Variants in NBAS observed in about 807,000 individuals in gnomAD.
The protein encoded by NBAS is NBAS subunit of NRZ tethering complex.
A neutral mutation model predicts 302.5 loss-of-function variants in NBAS; 219 were observed. The ratio of observed to expected loss-of-function variants is 0.72; its 90% confidence interval spans 0.65 to 0.81. NBAS has a LOEUF of 0.81. Among genes scored for constraint, NBAS ranks in the 30% least tolerant of loss-of-function variants. NBAS has a pLI of 0.00. For synonymous variants in NBAS, 1,118 were observed against 1,021.6 expected (o/e 1.09, Z -1.80); for missense variants, 2,932 against 2,841.6 (o/e 1.03, Z -0.72).
chr2:15,306,468 T>C (rs1408380203), intron 40 of NBAS, among the ~76,000 whole-genome samples: 2 of 152,210 alleles, frequency 1.3e-5, no homozygotes, highest in Non-Finnish European at 2.9e-5. Context: ...TCTTTCCACG[T>C]GTCTTCTTGT....
the NBAS span, among the ~76,000 whole-genome samples, chr2:14,910,952 A>T: frequency 6.6e-6 from 1 of 152,256 alleles, no homozygotes; most frequent in African/African-American, 2.4e-5. Context: ...AAGCAGGGTG[A>T]GAGGAGTCTC....
chr2:15,219,764 T>G (rs1437263909), intron 47 of NBAS, among the ~76,000 whole-genome samples: 1 of 138,024 alleles, frequency 7.2e-6, no homozygotes, highest in African/African-American at 2.7e-5. Context: ...TTCTCAATTT[T>G]TTCCCCACCC....
At chr2:14,790,569 C>G in the NBAS span, among the ~76,000 whole-genome samples, 6,955 of 152,000 alleles carry the variant, frequency 0.046, 506 homozygotes, top group African/African-American at 0.16. Context: ...ACAAAAACAT[C>G]TCAACAGAAT....
At chr2:15,089,742 C>CTTTTTTTTTTTTTTTTTTTTTTTTTTTTT in the NBAS span, among the ~76,000 whole-genome samples, 1 of 78,798 alleles carries the variant, frequency 1.3e-5, no homozygotes. Context: ...TGGGTCAGGA[C>CTTTTTTTTTTTTTTTTTTTTTTTTTTTTT]TTTTTTTTTT....
chr2:14,867,361 A>G, the NBAS span, among the ~76,000 whole-genome samples: 5 of 152,198 alleles, frequency 3.3e-5, no homozygotes, highest in African/African-American at 1.2e-4. Flanking sequence ...TAACAATCTG[A>G]AAAGCCCAAG....
In NBAS at chr2:15,427,804, A is replaced by T. The variant is rs755074786; in HGVS notation, c.2340-10T>A. The T allele has an allele frequency of 1.3e-5, 20 of 1,558,970 alleles. No individual in the cohort carries two copies. Among genetic ancestry groups the T allele is most frequent in the South Asian group, 3.4e-5 (3 of 87,970 alleles). ...GGAGTCACCGTTAAAACTCAAATTTAAAAAAAAATAAGTGTTTAAAATTCA... is the reference window on the plus strand; with the variant it reads ...GGAGTCACCGTTAAAACTCAAATTTTAAAAAAAATAAGTGTTTAAAATTCA... On this transcript the variant is annotated splice_polypyrimidine_tract_variant and intron_variant, in intron 21 of 51. Coordinates refer to ENST00000281513, the MANE Select transcript of NBAS (RefSeq NM_015909.4).
In NBAS at chr2:15,181,718, T is replaced by C. The variant is rs556019385; in HGVS notation, c.6712-2602A>G. On this transcript the variant is annotated intron_variant, in intron 50 of 51. Transcript: ENST00000281513. ...TCTTTTCCCAGTGGACTATGATTTA[T>C]GAGATGCACTGGGGCACTGTTCCCA... 9.8e-4 allele frequency among the ~76,000 whole-genome samples: 150 copies of C among 152,318 alleles called. 1 individual carries two copies. The highest frequency in any genetic ancestry group is 6.8e-3 in the Middle Eastern group (2 of 294).
chr2:15,245,608 A>AGGATGGATGGATGGAT (rs57408257), intron 44 of NBAS, among the ~76,000 whole-genome samples: 179 of 148,150 alleles, frequency 1.2e-3, no homozygotes, highest in East Asian at 3.2e-3. Flanking sequence ...GTTGAATGGA[A>AGGATGGATGGATGGAT]GGATGGATGG....
intron 44 of NBAS, among the ~76,000 whole-genome samples, chr2:15,251,550 G>C (rs1308765104): frequency 6.6e-6 from 1 of 152,166 alleles, no homozygotes; most frequent in African/African-American, 2.4e-5. Flanking sequence ...ATAGGCCCTT[G>C]GGGCTGCTAA....
chr2:14,975,666 G>A, the NBAS span, among the ~76,000 whole-genome samples: 1 of 152,094 alleles, frequency 6.6e-6, no homozygotes, highest in African/African-American at 2.4e-5. Flanking sequence ...TGAATATCAT[G>A]GGCCAGCTCT....
chr2:15,393,771 A>G (rs13417550), intron 28 of NBAS: 284,732 of 467,556 alleles, frequency 0.61, 89,636 homozygotes, highest in Non-Finnish European at 0.68. Flanking sequence ...GCAAACAAAA[A>G]GAAATAAACT....
the NBAS span, among the ~76,000 whole-genome samples, chr2:14,786,251 G>C: frequency 6.6e-6 from 1 of 151,818 alleles, no homozygotes; most frequent in Non-Finnish European, 1.5e-5. Flanking sequence ...TATCAATTTT[G>C]TTGATCCTTT....
the NBAS span, among the ~76,000 whole-genome samples, chr2:14,970,571 C>T: frequency 6.6e-6 from 1 of 152,170 alleles, no homozygotes; most frequent in Non-Finnish European, 1.5e-5. Flanking sequence ...AGTAGGCAGA[C>T]CTCAGGCAGG....
chr2:15,047,256 A>G, the NBAS span, among the ~76,000 whole-genome samples: 1 of 152,250 alleles, frequency 6.6e-6, no homozygotes, highest in African/African-American at 2.4e-5. Context: ...GGAGGCACAG[A>G]TGGTTCAGGT....
the NBAS span, among the ~76,000 whole-genome samples, chr2:15,106,697 C>A: frequency 6.6e-6 from 1 of 151,964 alleles, no homozygotes; most frequent in African/African-American, 2.4e-5. Context: ...GAACATGTGT[C>A]ACTGTCTTAG....
At chr2:15,037,787 G>A in the NBAS span, among the ~76,000 whole-genome samples, 1 of 152,102 alleles carries the variant, frequency 6.6e-6, no homozygotes, top group South Asian at 2.1e-4. Context: ...TGATTTCAAT[G>A]ATTTGCTATA....
At chr2:15,071,450 T>C in the NBAS span, among the ~76,000 whole-genome samples, 1 of 151,808 alleles carries the variant, frequency 6.6e-6, no homozygotes, top group African/African-American at 2.4e-5. Flanking sequence ...ACGGTGAAAC[T>C]CCGTCTCTAC....
chr2:15,144,049 A>ATATATATATATATC, the NBAS span, among the ~76,000 whole-genome samples: 4 of 86,230 alleles, frequency 4.6e-5, no homozygotes, highest in South Asian at 9.2e-4. Context: ...ATATATAAAA[A>ATATATATATATATC]TATATATATA....
chr2:15,322,323 C>T (rs1572654141), intron 38 of NBAS, among the ~76,000 whole-genome samples: 1 of 151,900 alleles, frequency 6.6e-6, no homozygotes, highest in South Asian at 2.1e-4. Flanking sequence ...AGCAACATGG[C>T]ACATGCATAC....
Sources: allele counts gnomAD v4.1 joint callset (sites outside exome capture counted in the v4.1 genomes callset), GRCh38; gene constraint gnomAD v4.1.1; transcripts MANE v1.5; gene names NCBI Gene and HGNC (gene_info 2026-07-23, HGNC 2026-07-21).